SH3RF2: variants seen among roughly 807,000 people sequenced by gnomAD.
SH3RF2 encodes E3 ubiquitin-protein ligase SH3RF2.
A neutral mutation model predicts 59.0 loss-of-function variants in SH3RF2; 43 were observed. The observed-to-expected ratio is 0.73, with a 90% CI of 0.57 to 0.94. The LOEUF (loss-of-function observed/expected upper bound fraction) is 0.94. Among genes scored for constraint, SH3RF2 ranks in the 40% least tolerant of loss-of-function variants. SH3RF2 has a pLI of 0.00. For missense variants in SH3RF2, 930 were observed against 940.1 expected (o/e 0.99, Z 0.14); for synonymous variants, 391 against 391.5 (o/e 1.00, Z 0.01).
In SH3RF2 at chr5:146,060,037, T is replaced by A; in HGVS notation, c.1727T>A (p.Leu576His). ...GTGGAGATGGGGTCCAAGCCTGCCCTCACGGGGGAGCCCGCCCTCACGTGC... is the reference window on the plus strand; with the variant it reads ...GTGGAGATGGGGTCCAAGCCTGCCCACACGGGGGAGCCCGCCCTCACGTGC... Reference protein sequence around the residue: ...VVVEMGSKPALTGEPALTCIS... With the variant: ...VVVEMGSKPAHTGEPALTCIS... Residue 576 changes from leucine (L) to histidine (H), a missense_variant, in exon 9 of 10, where the codon CTC becomes CAC. By Grantham distance (99) the Leu-to-His change is moderately conservative. Transcript: ENST00000359120. The A allele has an allele frequency of 6.2e-7, 1 of 1,612,516 alleles. No homozygotes were observed. The highest frequency in any genetic ancestry group is 8.5e-7 in the Non-Finnish European group (1 of 1,179,248).
intron 5 of SH3RF2, among the ~76,000 whole-genome samples, chr5:146,020,652 T>C (rs945417116): frequency 6.6e-6 from 1 of 152,196 alleles, no homozygotes; most frequent in Non-Finnish European, 1.5e-5. Flanking sequence ...ACACCCTCTT[T>C]ACACTATAAA....
At chr5:145,944,332 T>A (rs944383918) in intron 2 of SH3RF2, among the ~76,000 whole-genome samples, 2 of 150,444 alleles carry the variant, frequency 1.3e-5, no homozygotes. Context: ...CTCAATTTCT[T>A]TTCCCTTTTT....
At chr5:145,980,499 A>G (rs1310564942) in intron 2 of SH3RF2, among the ~76,000 whole-genome samples, 1 of 152,160 alleles carries the variant, frequency 6.6e-6, no homozygotes. Context: ...TTAATCCACA[A>G]CAGAAGGATA....
chr5:146,053,930 C>T (rs753943495), intron 7 of SH3RF2, among the ~76,000 whole-genome samples: 5 of 152,104 alleles, frequency 3.3e-5, no homozygotes, highest in Non-Finnish European at 7.4e-5. Context: ...TTGTGATGCC[C>T]TTTTTGAATA....
chr5:145,968,315 T>C (rs974372236), intron 2 of SH3RF2, among the ~76,000 whole-genome samples: 7 of 152,190 alleles, frequency 4.6e-5, no homozygotes, highest in African/African-American at 1.4e-4. Flanking sequence ...GAATAGAGAC[T>C]TAATTAAATA....
intron 5 of SH3RF2, among the ~76,000 whole-genome samples, chr5:146,020,446 G>C (rs538251094): frequency 1.3e-5 from 2 of 152,244 alleles, no homozygotes; most frequent in African/African-American, 4.8e-5. Context: ...AATAATTGCT[G>C]TTCCTTCTGG....
chr5:146,067,814 T>A (rs549929546), downstream of SH3RF2, among the ~76,000 whole-genome samples: 1 of 152,162 alleles, frequency 6.6e-6, no homozygotes, highest in South Asian at 2.1e-4. Flanking sequence ...CCTCAGGTCC[T>A]CCCCATCGCT....
At chr5:146,022,153 G>A (rs1216897221) in intron 5 of SH3RF2, among the ~76,000 whole-genome samples, 1 of 152,112 alleles carries the variant, frequency 6.6e-6, no homozygotes. Context: ...ATCCACTAAT[G>A]GGCCAATCTT....
At chr5:146,059,155 CAGG>C (rs1334622043) in intron 8 of SH3RF2, among the ~76,000 whole-genome samples, 1 of 152,142 alleles carries the variant, frequency 6.6e-6, no homozygotes, top group Non-Finnish European at 1.5e-5. Flanking sequence ...CCAGGCTTTC[CAGG>C]AGGAGGTCTG....
chr5:146,013,225 A>G (rs1260542021), intron 4 of SH3RF2, among the ~76,000 whole-genome samples: 2 of 152,214 alleles, frequency 1.3e-5, no homozygotes, highest in East Asian at 3.8e-4. Context: ...AATCATGTGT[A>G]GAAGGTCCCT....
At chr5:145,966,899 G>A (rs543877518) in intron 2 of SH3RF2, among the ~76,000 whole-genome samples, 81 of 152,220 alleles carry the variant, frequency 5.3e-4, no homozygotes, top group South Asian at 2.5e-3. Context: ...GTGCACTCCT[G>A]TAGTCCCAGC....
At chr5:146,050,427 G>A (rs866621963) in intron 7 of SH3RF2, among the ~76,000 whole-genome samples, 4 of 152,264 alleles carry the variant, frequency 2.6e-5, no homozygotes, top group Middle Eastern at 3.4e-3. Context: ...AGGCAAAGTC[G>A]GCCTGAGTCC....
At chr5:145,970,714 C>T (rs1215121228) in intron 2 of SH3RF2, among the ~76,000 whole-genome samples, 1 of 152,032 alleles carries the variant, frequency 6.6e-6, no homozygotes, top group African/African-American at 2.4e-5. Context: ...TCTGTTATAG[C>T]AGCACAAAAT....
chr5:146,011,790 T>C (rs1164305954), intron 4 of SH3RF2, among the ~76,000 whole-genome samples: 1 of 152,222 alleles, frequency 6.6e-6, no homozygotes, highest in Non-Finnish European at 1.5e-5. Context: ...GCTAAGACGA[T>C]GGGGTTTTCT....
At chr5:146,042,087 C>G (rs909612862) in intron 5 of SH3RF2, among the ~76,000 whole-genome samples, 1 of 152,188 alleles carries the variant, frequency 6.6e-6, no homozygotes, top group African/African-American at 2.4e-5. Flanking sequence ...ACAGTCACCC[C>G]ATACCCGCCA....
chr5:146,002,000 A>G (rs1022651616), intron 3 of SH3RF2, among the ~76,000 whole-genome samples: 2 of 152,184 alleles, frequency 1.3e-5, no homozygotes, highest in African/African-American at 4.8e-5. Context: ...ATTCAACGTC[A>G]TGTATTTATT....
chr5:146,064,710 GAAAGAAAGAAA>G (rs1763025347), downstream of SH3RF2, among the ~76,000 whole-genome samples: 1 of 26,006 alleles, frequency 3.8e-5, no homozygotes, highest in African/African-American at 1.4e-4. Flanking sequence ...AAGAAAGAAA[GAAAGAAAGAAA>G]GAAAGAAAGG....
intron 5 of SH3RF2, among the ~76,000 whole-genome samples, chr5:146,015,502 A>G (rs1761070792): frequency 6.6e-6 from 1 of 152,194 alleles, no homozygotes; most frequent in Non-Finnish European, 1.5e-5. Context: ...CTTGTGACTC[A>G]CAATTAAGCC....
intron 2 of SH3RF2, among the ~76,000 whole-genome samples, chr5:145,945,097 G>T (rs1757960907): frequency 6.6e-6 from 1 of 152,082 alleles, no homozygotes; most frequent in Non-Finnish European, 1.5e-5. Flanking sequence ...TATTGATATT[G>T]ATTTTAAGGT....
Sources: allele counts gnomAD v4.1 joint callset (sites outside exome capture counted in the v4.1 genomes callset), GRCh38; gene constraint gnomAD v4.1.1; transcripts MANE v1.5; gene names NCBI Gene and HGNC (gene_info 2026-07-23, HGNC 2026-07-21).